Variants in KCNQ5 observed in about 807,000 individuals in gnomAD.
The protein encoded by KCNQ5 is potassium voltage-gated channel subfamily KQT member 5.
KCNQ5 carries 30 observed loss-of-function variants against 98.2 expected under a neutral mutation model. The ratio of observed to expected loss-of-function variants is 0.31; its 90% CI spans 0.23 to 0.41. KCNQ5 has a LOEUF of 0.41. Among genes scored for constraint, KCNQ5 ranks in the 10% least tolerant of loss-of-function variants. The pLI, the probability that KCNQ5 is intolerant of heterozygous loss-of-function variation, is 1.00. For missense variants in KCNQ5, 835 were observed against 1,182.5 expected (o/e 0.71, Z 4.31); for synonymous variants, 458 against 449.4 (o/e 1.02, Z -0.24).
intron 1 of KCNQ5, among the ~76,000 whole-genome samples, chr6:72,877,807 C>T (rs572652683): frequency 3.3e-5 from 5 of 152,326 alleles, no homozygotes; most frequent in South Asian, 4.1e-4. Context: ...ATTTCTCTAA[C>T]GGCCAGTGAT....
At chr6:73,111,450 G>C (rs755915115) in intron 7 of KCNQ5, 47 bp downstream of exon 7, 10 of 1,203,168 alleles carry the variant, frequency 8.3e-6, no homozygotes, top group Non-Finnish European at 9.6e-6. Context: ...TGTCCATAGT[G>C]CTTGATGGGT....
At chr6:73,061,916 A>G (rs190410218) in intron 3 of KCNQ5, among the ~76,000 whole-genome samples, 119 of 152,334 alleles carry the variant, frequency 7.8e-4, no homozygotes, top group African/African-American at 2.5e-3. Flanking sequence ...GAAAAAAATT[A>G]TCAACTCAGA....
intron 2 of KCNQ5, among the ~76,000 whole-genome samples, chr6:73,021,988 A>T (rs1438504847): frequency 1.3e-5 from 2 of 152,168 alleles, no homozygotes; most frequent in East Asian, 1.9e-4. Context: ...TAAAGCAAAT[A>T]TGCTTATCTA....
At chr6:72,667,984 G>A (rs189670827) in intron 1 of KCNQ5, among the ~76,000 whole-genome samples, 1 of 152,218 alleles carries the variant, frequency 6.6e-6, no homozygotes, top group East Asian at 1.9e-4. Flanking sequence ...GTGGGATCTT[G>A]GTTTGGATCT....
At chr6:72,685,412 T>A (rs1380596875) in intron 1 of KCNQ5, among the ~76,000 whole-genome samples, 1 of 152,228 alleles carries the variant, frequency 6.6e-6, no homozygotes, top group Non-Finnish European at 1.5e-5. Context: ...TGGATATACA[T>A]GCATATAATA....
chr6:73,077,259 T>C, intron 3 of KCNQ5, 63 bp from the exon 4 acceptor site: 1 of 1,480,628 alleles, frequency 6.8e-7, no homozygotes. Flanking sequence ...TTGGAAATAT[T>C]GTTTTGGTAA....
At chr6:72,960,139 G>A (rs1288434185) in intron 1 of KCNQ5, among the ~76,000 whole-genome samples, 4 of 152,062 alleles carry the variant, frequency 2.6e-5, no homozygotes, top group African/African-American at 9.7e-5. Flanking sequence ...TCAAATAATG[G>A]GAATTACTAA....
chr6:72,744,458 T>C (rs1771277303), intron 1 of KCNQ5, among the ~76,000 whole-genome samples: 1 of 152,134 alleles, frequency 6.6e-6, no homozygotes, highest in Non-Finnish European at 1.5e-5. Flanking sequence ...TTTCACAATA[T>C]ATGTACTATG....
At chr6:72,662,656 G>C (rs924297441) in intron 1 of KCNQ5, among the ~76,000 whole-genome samples, 7 of 151,526 alleles carry the variant, frequency 4.6e-5, no homozygotes, top group Non-Finnish European at 1.5e-5. Context: ...CTTTAGAAAG[G>C]CTCCTGACAT....
At chr6:72,895,192 G>A (rs1463713978) in intron 1 of KCNQ5, among the ~76,000 whole-genome samples, 1 of 150,994 alleles carries the variant, frequency 6.6e-6, no homozygotes, top group Non-Finnish European at 1.5e-5. Flanking sequence ...GGGAGGCTGA[G>A]GCAGGAGAAT....
At chr6:73,134,867 G>C (rs1323627729) in intron 10 of KCNQ5, 2 of 152,322 alleles carry the variant, frequency 1.3e-5, no homozygotes, top group African/African-American at 4.8e-5. Context: ...TGCAGGATCT[G>C]AGTCACTTGT....
At chr6:72,782,050 T>A (rs1234169182) in intron 1 of KCNQ5, among the ~76,000 whole-genome samples, 3 of 142,962 alleles carry the variant, frequency 2.1e-5, no homozygotes, top group East Asian at 2.1e-4. Flanking sequence ...TAACCCTACA[T>A]CATTTTTCAC....
chr6:72,644,618 A>G (rs1050425642), intron 1 of KCNQ5, among the ~76,000 whole-genome samples: 1 of 152,188 alleles, frequency 6.6e-6, no homozygotes, highest in African/African-American at 2.4e-5. Context: ...ATGTATATAA[A>G]TGGAAAGTTT....
intron 1 of KCNQ5, among the ~76,000 whole-genome samples, chr6:72,887,999 AAAAAT>A (rs1778912082): frequency 6.6e-6 from 1 of 152,184 alleles, no homozygotes; most frequent in South Asian, 2.1e-4. Flanking sequence ...CATTAATATT[AAAAAT>A]AAAATTGTGA....
chr6:73,124,844 G>T (rs1367411728), intron 9 of KCNQ5, among the ~76,000 whole-genome samples: 1 of 149,886 alleles, frequency 6.7e-6, no homozygotes, highest in Non-Finnish European at 1.5e-5. Context: ...GTAATCTAGA[G>T]AATGAAAGAA....
At chr6:73,041,591 A>G (rs1366145577) in intron 2 of KCNQ5, among the ~76,000 whole-genome samples, 1 of 152,174 alleles carries the variant, frequency 6.6e-6, no homozygotes, top group Non-Finnish European at 1.5e-5. Flanking sequence ...TATTTCAGAT[A>G]TTTCACATGT....
intron 1 of KCNQ5, among the ~76,000 whole-genome samples, chr6:72,821,789 G>A (rs1158146531): frequency 2.0e-5 from 3 of 151,854 alleles, no homozygotes; most frequent in Admixed American, 2.0e-4. Flanking sequence ...TTGGGGCCTG[G>A]GTCTGTAGTA....
At chr6:72,830,532 T>C (rs1776211431) in intron 1 of KCNQ5, among the ~76,000 whole-genome samples, 1 of 152,336 alleles carries the variant, frequency 6.6e-6, no homozygotes, top group African/African-American at 2.4e-5. Context: ...GCTAGCCATA[T>C]GTAGAAAGCT....
At chr6:73,015,980 A>G (rs1031747768) in intron 2 of KCNQ5, among the ~76,000 whole-genome samples, 2 of 152,124 alleles carry the variant, frequency 1.3e-5, no homozygotes, top group Admixed American at 6.6e-5. Flanking sequence ...GCAGTACCCA[A>G]TAAGGATGAG....
Sources: allele counts gnomAD v4.1 joint callset (sites outside exome capture counted in the v4.1 genomes callset), GRCh38; gene constraint gnomAD v4.1.1; transcripts MANE v1.5; gene names NCBI Gene and HGNC (gene_info 2026-07-23, HGNC 2026-07-21).